Variants in ARMC9 observed in about 807,000 individuals in gnomAD.
ARMC9 encodes lisH domain-containing protein ARMC9.
ARMC9 carries 94 observed loss-of-function variants against 107.0 expected under a neutral mutation model. That is an observed-to-expected ratio of 0.88 (90% CI 0.74 to 1.04). ARMC9 has a LOEUF of 1.04. Ranked by LOEUF, ARMC9 falls within the 50% of genes least tolerant of loss-of-function variation. ARMC9 has a pLI of 0.00. For synonymous variants in ARMC9, 380 were observed against 396.9 expected, an observed-to-expected ratio of 0.96 and a Z score of 0.51; for missense variants, 942 against 1,030.1, an observed-to-expected ratio of 0.91 and a Z score of 1.17.
At chr2:231,333,930 A>G (rs776660550) in intron 20 of ARMC9, among the ~76,000 whole-genome samples, 17 of 152,264 alleles carry the variant, frequency 1.1e-4, no homozygotes, top group Non-Finnish European at 2.5e-4. Flanking sequence ...ATCTTCAGTA[A>G]CAACAAAAAA....
intron 23 of ARMC9, 149 bp downstream of exon 23, chr2:231,361,032 C>A: frequency 1.5e-6 from 2 of 1,298,738 alleles, no homozygotes; most frequent in African/African-American, 1.5e-5. Flanking sequence ...TGTCAAGATT[C>A]CCAGCGGAGT....
In ARMC9 at chr2:231,256,129, G is replaced by A. The variant is rs1384244732; in HGVS notation, c.880-457G>A. On this transcript the variant is annotated intron_variant, in intron 9 of 24. Coordinates refer to ENST00000611582, the MANE Select transcript of ARMC9 (RefSeq NM_001352754.2). ...CCAGCCGTGTGCAGCCTATCAAGCT[G>A]GCCAGGGTCACCAAGGTCCTGGGCA... 4.5e-6 allele frequency: 7 copies of A among 1,550,022 alleles called. No homozygotes were observed. In the East Asian group the frequency reaches 1.7e-4, roughly 38 times the overall value.
intron 19 of ARMC9, among the ~76,000 whole-genome samples, chr2:231,315,321 G>A (rs1393762157): frequency 1.3e-5 from 2 of 151,056 alleles, no homozygotes; most frequent in South Asian, 2.1e-4. Context: ...GGCAGATCAC[G>A]AAGTCAAGAG....
chr2:231,302,433 GTTTGT>G (rs1368811992), intron 19 of ARMC9, among the ~76,000 whole-genome samples: 4 of 96,448 alleles, frequency 4.1e-5, no homozygotes, highest in African/African-American at 7.5e-5. Context: ...AGCATTGTGG[GTTTGT>G]TTTTTTTTTT....
At position 231,372,733 on chromosome 2, in the gene ARMC9, TGTGTGTGTGTGTGTGTGTGTGTATGA is replaced by T. The variant is rs572590976; in HGVS notation, c.*1203_*1228del. On this transcript the variant is annotated 3_prime_UTR_variant, in exon 25 of 25. Transcript: ENST00000611582. ...GTGTGTGTGTGTGTGTGTGTGTGTG[TGTGTGTGTGTGTGTGTGTGTGTATGA>T]GTGTATGAAGGGAAATGGAAAGCAG... 607 of 107,772 alleles carry T rather than the reference TGTGTGTGTGTGTGTGTGTGTGTATGA, an allele frequency of 5.6e-3. 8 individuals carry two copies. The highest frequency in any genetic ancestry group is 0.037 in the African/African-American group (388 of 10,494). 6.7% of individuals were successfully genotyped at this position (107,772 alleles called of 1,614,324 possible).
At chr2:231,276,854 A>C in intron 15 of ARMC9, 79 bp downstream of exon 15, 1 of 1,553,320 alleles carries the variant, frequency 6.4e-7, no homozygotes, top group Non-Finnish European at 8.7e-7. Flanking sequence ...AGTGAGCCTG[A>C]TATGGTTTGC....
At chr2:231,251,140 G>A (rs2037258798) in intron 9 of ARMC9, among the ~76,000 whole-genome samples, 1 of 151,996 alleles carries the variant, frequency 6.6e-6, no homozygotes, top group African/African-American at 2.4e-5. Flanking sequence ...AGAGTGAAGA[G>A]GCCACTTTTT....
At chr2:231,229,962 T>G (rs1025248810) in intron 7 of ARMC9, among the ~76,000 whole-genome samples, 1 of 152,206 alleles carries the variant, frequency 6.6e-6, no homozygotes, top group African/African-American at 2.4e-5. Flanking sequence ...ATCACTGTTA[T>G]GTCAGTAATT....
intron 14 of ARMC9, among the ~76,000 whole-genome samples, chr2:231,274,670 T>G (rs746733432): frequency 1.3e-5 from 2 of 152,168 alleles, no homozygotes; most frequent in Non-Finnish European, 2.9e-5. Flanking sequence ...GTCTTCAACT[T>G]TTTTCTGTCG....
chr2:231,305,653 G>A (rs2041996686), intron 19 of ARMC9, among the ~76,000 whole-genome samples: 2 of 152,168 alleles, frequency 1.3e-5, no homozygotes, highest in African/African-American at 2.4e-5. Context: ...GCTATCGTGT[G>A]TGTTTCTCTA....
intron 23 of ARMC9, among the ~76,000 whole-genome samples, chr2:231,369,204 T>C (rs1176634523): frequency 2.6e-5 from 4 of 152,234 alleles, no homozygotes; most frequent in Non-Finnish European, 5.9e-5. Context: ...CAAGGCTCCA[T>C]GGCATGGGGA....
Position 231,214,732 on chromosome 2 carries a change from A to G in ARMC9, c.178-99A>G, listed in dbSNP as rs974680984. The G allele has an allele frequency of 5.6e-6, 7 of 1,252,168 alleles. No homozygotes were observed. The African/African-American group carries it at 7.5e-5, about 13-fold the overall frequency. The allele number at this position is 1,252,168 out of a possible 1,614,324, so 77.6% of individuals were successfully genotyped here. A position where few individuals can be genotyped will look rare whatever the true frequency, so the allele number is the denominator to read the frequency against. On this transcript the variant is annotated intron_variant, in intron 3 of 24. Coordinates refer to ENST00000611582, the MANE Select transcript of ARMC9 (RefSeq NM_001352754.2). ...TCTATTTTTCTATCCTTTACCACTG[A>G]AAAGGAGTATATGGGAGATCTGTGG...
At chr2:231,347,671 C>T (rs567447904) in intron 21 of ARMC9, among the ~76,000 whole-genome samples, 116 of 152,216 alleles carry the variant, frequency 7.6e-4, no homozygotes, top group Non-Finnish European at 1.3e-3. Flanking sequence ...ATAAACAGCT[C>T]ATTATTTCTC....
chr2:231,346,754 C>T (rs1182727003), intron 21 of ARMC9, among the ~76,000 whole-genome samples: 1 of 152,142 alleles, frequency 6.6e-6, no homozygotes, highest in Non-Finnish European at 1.5e-5. Context: ...CCTTAATTGT[C>T]CCCTAAAGGT....
chr2:231,338,886 T>C (rs1447346587), intron 20 of ARMC9, among the ~76,000 whole-genome samples: 4 of 143,398 alleles, frequency 2.8e-5, no homozygotes, highest in African/African-American at 1.2e-4. Context: ...TATGAAGATG[T>C]TTTTAATGTT....
chr2:231,277,793 C>A lies in ARMC9; in HGVS notation c.1475-589C>A, dbSNP rs189708041. 5.8e-4 allele frequency among the ~76,000 whole-genome samples: 88 copies of A among 152,208 alleles called. 1 individual carries two copies. The highest frequency in any genetic ancestry group is 2.0e-3 in the African/African-American group (82 of 41,526). ...GGCAAGGCTGATCTTGAACTCCTAA[C>A]TTCAAGTGATCCACCCACTTCGCCC... On this transcript the variant is annotated intron_variant, in intron 15 of 24. Coordinates refer to ENST00000611582, the MANE Select transcript of ARMC9 (RefSeq NM_001352754.2).
In ARMC9 at chr2:231,371,715, G is replaced by T; in HGVS notation, c.*180G>T. The T allele has an allele frequency of 5.2e-6, 3 of 572,356 alleles. No homozygotes were observed. Among genetic ancestry groups the T allele is most frequent in the East Asian group, 6.9e-5 (2 of 28,778 alleles). 35.5% of individuals were successfully genotyped at this position (572,356 alleles called of 1,614,324 possible). On this transcript the variant is annotated 3_prime_UTR_variant, in exon 25 of 25. Coordinates refer to ENST00000611582, the MANE Select transcript of ARMC9 (RefSeq NM_001352754.2). ...AGGCCATCGCAGCCCCGCCAGCCGG[G>T]TCACTTTCTCCCAGGGCAGAGCCAC...
chr2:231,335,320 T>C (rs1178694106), intron 20 of ARMC9, among the ~76,000 whole-genome samples: 1 of 151,716 alleles, frequency 6.6e-6, no homozygotes, highest in Non-Finnish European at 1.5e-5. Flanking sequence ...CAGGAACCAA[T>C]CATGGTGCAC....
At chr2:231,283,939 T>A (rs2040403442) in intron 17 of ARMC9, among the ~76,000 whole-genome samples, 1 of 152,192 alleles carries the variant, frequency 6.6e-6, no homozygotes, top group African/African-American at 2.4e-5. Flanking sequence ...TTGCCCAAGC[T>A]GGTCTCAAAC....
Sources: allele counts gnomAD v4.1 joint callset (sites outside exome capture counted in the v4.1 genomes callset), GRCh38; gene constraint gnomAD v4.1.1; transcripts MANE v1.5; gene names NCBI Gene and HGNC (gene_info 2026-07-23, HGNC 2026-07-21).